Variants in WDR62 observed in about 807,000 individuals in gnomAD.
WDR62 encodes the protein WD repeat-containing protein 62.
In WDR62, 112 loss-of-function variants were observed where a neutral mutation model predicts 160.6. The observed-to-expected ratio is 0.70, with a 90% confidence interval of 0.60 to 0.82. The LOEUF (loss-of-function observed/expected upper bound fraction) is 0.82, where lower values mean the gene tolerates loss of function less well. Among genes scored for constraint, WDR62 ranks in the 40% least tolerant of loss-of-function variants. The probability of loss-of-function intolerance (pLI) is 0.00; values close to 1 mark genes in which losing one functional copy is unlikely to be tolerated. For synonymous variants in WDR62, 792 were observed against 815.1 expected (o/e 0.97, Z 0.48); for missense variants, 1,819 against 1,983.8 (o/e 0.92, Z 1.58).
chr19:36,080,694 A>G (rs1052907260), intron 9 of WDR62, among the ~76,000 whole-genome samples: 3 of 151,846 alleles, frequency 2.0e-5, no homozygotes, highest in African/African-American at 2.4e-5. Flanking sequence ...ACCTCAGGTG[A>G]TCCGCCCACC....
In WDR62 at chr19:36,059,692, T is replaced by C. The variant is rs889752884; in HGVS notation, c.270-276T>C. On this transcript the variant is annotated intron_variant, in intron 2 of 31. Transcript: ENST00000401500. ...TCAAGTGATCCCTCCTGCCCCATAC[T>C]CCCAAAGTGCTGGGATTATAGCCAG... is the stretch of plus-strand genomic sequence containing the variant. 5.3e-5 allele frequency among the ~76,000 whole-genome samples: 8 copies of C among 152,158 alleles called. No individual in the cohort carries two copies. In the East Asian group the frequency reaches 1.5e-3, roughly 29 times the overall value.
intron 3 of WDR62, among the ~76,000 whole-genome samples, chr19:36,064,338 C>A: frequency 6.6e-6 from 1 of 152,196 alleles, no homozygotes; most frequent in South Asian, 2.1e-4. Context: ...TGCAGTGGCG[C>A]GATCTTGGCT....
intron 10 of WDR62, among the ~76,000 whole-genome samples, chr19:36,082,620 A>G (rs1450542796): frequency 6.6e-6 from 1 of 152,214 alleles, no homozygotes; most frequent in Non-Finnish European, 1.5e-5. Context: ...CACAATAGAA[A>G]AACTCAAAAC....
intron 6 of WDR62, 112 bp from the exon 7 acceptor site, chr19:36,067,714 TTC>T (rs1406650802): frequency 1.2e-5 from 15 of 1,268,374 alleles, no homozygotes; most frequent in Non-Finnish European, 1.6e-5. Flanking sequence ...TTTTCTTCCC[TTC>T]TCCATTTGGA....
intron 26 of WDR62, 71 bp downstream of exon 26, chr19:36,102,222 AG>A: frequency 6.2e-7 from 1 of 1,609,730 alleles, no homozygotes; most frequent in Non-Finnish European, 8.5e-7. Flanking sequence ...GCGTCCCTGG[AG>A]TTGGCTCCCC....
intron 1 of WDR62, among the ~76,000 whole-genome samples, chr19:36,055,522 G>T (rs570129801): frequency 1.6e-3 from 237 of 152,280 alleles, no homozygotes; most frequent in Non-Finnish European, 2.8e-3. Flanking sequence ...AGTCATTAAG[G>T]TCCCTTCGAG....
rs748256973 is a variant in WDR62, at chr19:36,097,098, G to T, written c.2520+19G>T. The T allele has an allele frequency of 1.9e-6, 3 of 1,613,464 alleles. No individual in the cohort carries two copies. The highest frequency in any genetic ancestry group is 2.2e-5 in the South Asian group (2 of 90,904). On this transcript the variant is annotated intron_variant, in intron 21 of 31. Transcript: ENST00000401500. Reference sequence around the variant, plus strand: ...GCGGCTGGTAAGTCTTCAGGGAGAGGGTTGCTCAGGGGCTGGCAGAGGAAA... The same window carrying T: ...GCGGCTGGTAAGTCTTCAGGGAGAGTGTTGCTCAGGGGCTGGCAGAGGAAA...
At chr19:36,069,951 C>T (rs1213204359) in intron 7 of WDR62, among the ~76,000 whole-genome samples, 2 of 149,114 alleles carry the variant, frequency 1.3e-5, no homozygotes, top group African/African-American at 2.5e-5. Context: ...GGCAGCAGTA[C>T]AGTCCAGCTT....
chr19:36,101,766 A>C lies in WDR62; in HGVS notation c.3074A>C (p.His1025Pro). ...PAPRFATSLPHFPGCAGPTED... is the reference protein window; with the variant it reads ...PAPRFATSLPPFPGCAGPTED... ...CCTCGGTTTGCCACGTCGCTGCCCC[A>C]TTTCCCAGGTAAGCAGGGGCCAGAC... is the stretch of plus-strand genomic sequence containing the variant. Residue 1025 changes from histidine to proline, a missense_variant, in exon 25 of 32, where the codon CAT (histidine) becomes CCT (proline). By Grantham distance (77) the His-to-Pro change is moderately conservative (BLOSUM62 -2). This residue lies in a region of WDR62 where 770 missense variants were observed against 734.2 expected (regional missense o/e 1.05). Transcript: ENST00000401500. 6.4e-7 allele frequency: 1 copy of C among 1,551,600 alleles called. No individual in the cohort carries two copies. The highest frequency in any genetic ancestry group is 1.4e-5 in the African/African-American group (1 of 73,062).
intron 8 of WDR62, among the ~76,000 whole-genome samples, 155 bp from the exon 9 acceptor site, chr19:36,073,187 G>A (rs1275389633): frequency 6.6e-6 from 1 of 152,226 alleles, no homozygotes; most frequent in Admixed American, 6.5e-5. Context: ...AGAGGAAGAG[G>A]GAAGAGGGAA....
rs534587894 is a variant in WDR62, at chr19:36,067,886, A to C, written c.758A>C (p.Asn253Thr). The C allele has an allele frequency of 6.2e-7, 1 of 1,614,154 alleles. No homozygotes were observed. The highest frequency in any genetic ancestry group is 1.1e-5 in the South Asian group (1 of 91,076). ...GGCATCCTGGGCGAGCTGCACAACA[A>C]CATCTTCTGTGGTGTGGCCTGCGGT... ...RSGILGELHN[N>T]IFCGVACGRG... The change falls in exon 7 of 32, where the codon AAC (asparagine) becomes ACC (threonine). Residue 253 changes from asparagine (N) to threonine (T), a missense_variant. Coordinates refer to ENST00000401500, the MANE Select transcript of WDR62 (RefSeq NM_001083961.2).
Position 36,086,745 on chromosome 19 carries a change from G to T in WDR62, c.1701G>T (p.Glu567Asp), listed in dbSNP as rs773712947. Residue 567 changes from glutamate (E) to aspartate (D), a missense_variant, in exon 13 of 32, where the codon GAG becomes GAT. This residue lies in a region of WDR62 where 934 missense variants were observed against 1,157.2 expected (regional missense o/e 0.81). Transcript: ENST00000401500. ...GGCTGATCCATGTGCTGAACGTGGA[G>T]AAGAACTACAACCTGGAGCAGACGC... is the stretch of plus-strand genomic sequence containing the variant. ...RDRLIHVLNV[E>D]KNYNLEQTLD... 4.4e-6 allele frequency: 7 copies of T among 1,607,516 alleles called. No individual in the cohort carries two copies. In the East Asian group the frequency reaches 1.3e-4, roughly 31 times the overall value.
At chr19:36,060,091 C>T (rs1055696908) in intron 3 of WDR62, 61 bp downstream of exon 3, 32 of 1,518,174 alleles carry the variant, frequency 2.1e-5, no homozygotes, top group Middle Eastern at 1.7e-4. Context: ...GCCTCCCCTC[C>T]CCTACACAGC....
chr19:36,093,928 T>A, intron 19 of WDR62, 103 bp from the exon 20 acceptor site: 1 of 1,438,906 alleles, frequency 6.9e-7, no homozygotes, highest in South Asian at 1.1e-5. Flanking sequence ...CAGCCAAGAA[T>A]ATGTTCACAT....
chr19:36,082,319 G>A (rs913736593), intron 10 of WDR62, among the ~76,000 whole-genome samples: 5 of 152,184 alleles, frequency 3.3e-5, no homozygotes, highest in South Asian at 2.1e-4. Context: ...TGGGACATCC[G>A]GAGCAGCTTC....
chr19:36,062,914 T>G (rs1163487526), intron 3 of WDR62, among the ~76,000 whole-genome samples: 3 of 152,048 alleles, frequency 2.0e-5, no homozygotes, highest in Non-Finnish European at 2.9e-5. Flanking sequence ...CAGGCTGACG[T>G]GGCTCCTCTG....
chr19:36,066,707 G>A (rs58955389), intron 5 of WDR62, among the ~76,000 whole-genome samples: 2 of 152,190 alleles, frequency 1.3e-5, no homozygotes, highest in African/African-American at 4.8e-5. Context: ...GATGGATATA[G>A]TAGTACTTAT....
intron 15 of WDR62, 40 bp downstream of exon 15, chr19:36,089,346 C>G: frequency 6.2e-7 from 1 of 1,614,132 alleles, no homozygotes; most frequent in Non-Finnish European, 8.5e-7. Context: ...CCTGGTCTGC[C>G]TTGTCCTAGG....
chr19:36,092,203 TG>T (rs1205685558), intron 18 of WDR62, among the ~76,000 whole-genome samples: 1 of 150,910 alleles, frequency 6.6e-6, no homozygotes, highest in Non-Finnish European at 1.5e-5. Flanking sequence ...CCCAGCTACT[TG>T]GGAGGCTGAG....
Sources: allele counts gnomAD v4.1 joint callset (sites outside exome capture counted in the v4.1 genomes callset), GRCh38; gene constraint gnomAD v4.1.1; regional missense constraint gnomAD v4.1.1; transcripts MANE v1.5; gene names NCBI Gene and HGNC (gene_info 2026-07-23, HGNC 2026-07-21).